Variants in XRCC4 observed in about 807,000 individuals in gnomAD.
The protein encoded by XRCC4 is X-ray repair cross complementing 4.
A neutral mutation model predicts 39.1 loss-of-function variants in XRCC4; 28 were observed. The observed-to-expected ratio is 0.72, with a 90% CI of 0.53 to 0.98. XRCC4 has a LOEUF of 0.98. Among genes scored for constraint, XRCC4 ranks in the 50% least tolerant of loss-of-function variants. XRCC4 has a pLI of 0.00. For missense variants in XRCC4, 350 were observed against 376.4 expected (o/e 0.93, Z 0.58); for synonymous variants, 123 against 126.4 (o/e 0.97, Z 0.18).
At chr5:83,176,908 C>CA (rs1749984644) in intron 3 of XRCC4, among the ~76,000 whole-genome samples, 1 of 152,120 alleles carries the variant, frequency 6.6e-6, no homozygotes, top group African/African-American at 2.4e-5. Context: ...AGACATCAGC[C>CA]ACCACACCCA....
At chr5:83,166,916 C>T (rs1749508597) in intron 3 of XRCC4, among the ~76,000 whole-genome samples, 1 of 151,762 alleles carries the variant, frequency 6.6e-6, no homozygotes, top group Non-Finnish European at 1.5e-5. Flanking sequence ...GAGTCTCACT[C>T]TGTCACCCAG....
chr5:83,230,500 T>A (rs1308620917), intron 6 of XRCC4, among the ~76,000 whole-genome samples: 4 of 152,040 alleles, frequency 2.6e-5, no homozygotes, highest in Non-Finnish European at 1.5e-5. Context: ...AGATTGTAAA[T>A]AATGAATTAT....
intron 1 of XRCC4, among the ~76,000 whole-genome samples, chr5:83,092,995 G>A (rs911582645): frequency 6.9e-6 from 1 of 144,974 alleles, no homozygotes; most frequent in Admixed American, 7.1e-5. Flanking sequence ...TCCTATAAAA[G>A]ACAAGGAGTA....
chr5:83,324,941 A>T (rs1449640645), intron 7 of XRCC4, among the ~76,000 whole-genome samples: 1 of 152,124 alleles, frequency 6.6e-6, no homozygotes, highest in African/African-American at 2.4e-5. Flanking sequence ...GTCTCAGGTG[A>T]TCATGTAGAA....
Position 83,342,366 on chromosome 5 carries a change from TATTTTACAGGAAAATTTTA to T in XRCC4, c.894-10764_894-10746del, listed in dbSNP as rs1756787673. 2.0e-5 allele frequency among the ~76,000 whole-genome samples: 3 copies of T among 152,314 alleles called. No homozygotes were observed. In the South Asian group the frequency reaches 6.2e-4, roughly 32 times the overall value. ...TATTTTTAAATCTGTAATATATGTA[TATTTTACAGGAAAATTTTA>T]GATTTCTCATCCTTTCCCAATGTCT... On this transcript the variant is annotated intron_variant, in intron 7 of 7. Transcript: ENST00000396027.
At chr5:83,225,156 G>A (rs993930727) in intron 6 of XRCC4, among the ~76,000 whole-genome samples, 15 of 151,982 alleles carry the variant, frequency 9.9e-5, no homozygotes, top group Non-Finnish European at 1.8e-4. Context: ...TCAAATCTTT[G>A]TGTTTGTCCA....
intron 3 of XRCC4, among the ~76,000 whole-genome samples, chr5:83,192,797 G>T (rs1379367263): frequency 1.3e-5 from 2 of 152,076 alleles, no homozygotes. Context: ...TCTAACAGAA[G>T]AGACATGCTC....
chr5:83,256,287 A>C (rs2112889626), intron 6 of XRCC4, among the ~76,000 whole-genome samples: 1 of 152,328 alleles, frequency 6.6e-6, no homozygotes, highest in South Asian at 2.1e-4. Flanking sequence ...ATTTTAAAGT[A>C]AGTTGCAGAC....
At chr5:83,247,439 C>T (rs77998046) in intron 6 of XRCC4, among the ~76,000 whole-genome samples, 304 of 152,240 alleles carry the variant, frequency 2.0e-3, no homozygotes, top group Non-Finnish European at 2.1e-3. Context: ...CAACCTCACC[C>T]GGTCCATGGA....
At chr5:83,297,203 A>G (rs1269570700) in intron 7 of XRCC4, among the ~76,000 whole-genome samples, 1 of 152,046 alleles carries the variant, frequency 6.6e-6, no homozygotes, top group Admixed American at 6.6e-5. Flanking sequence ...TGTTAGTGTC[A>G]TTAAATATTA....
chr5:83,193,224 T>C (rs1315670412), intron 3 of XRCC4, among the ~76,000 whole-genome samples: 1 of 152,090 alleles, frequency 6.6e-6, no homozygotes, highest in Admixed American at 6.6e-5. Flanking sequence ...GAGTGCCTCC[T>C]GCTCCTGGCT....
intron 3 of XRCC4, among the ~76,000 whole-genome samples, chr5:83,158,311 A>G (rs1749054051): frequency 6.6e-6 from 1 of 152,120 alleles, no homozygotes; most frequent in African/African-American, 2.4e-5. Context: ...TTTTCTTTTT[A>G]ATAAATTGAG....
At chr5:83,158,236 G>A (rs1749051031) in intron 3 of XRCC4, among the ~76,000 whole-genome samples, 1 of 152,054 alleles carries the variant, frequency 6.6e-6, no homozygotes, top group Admixed American at 6.6e-5. Flanking sequence ...GTGTTAGGAG[G>A]AAGTGCAGAC....
intron 7 of XRCC4, among the ~76,000 whole-genome samples, chr5:83,329,669 G>A (rs1756375770): frequency 6.6e-6 from 1 of 152,030 alleles, no homozygotes; most frequent in Admixed American, 6.6e-5. Flanking sequence ...AAATGCAATA[G>A]GAACACAGCA....
chr5:83,353,085 G>A (rs1162768505), intron 7 of XRCC4, 46 bp from the exon 8 acceptor site: 2 of 1,454,424 alleles, frequency 1.4e-6, no homozygotes, highest in Non-Finnish European at 1.9e-6. Context: ...CTCTATAACA[G>A]AAGTTTTTAA....
intron 7 of XRCC4, among the ~76,000 whole-genome samples, chr5:83,316,581 C>A (rs1160140744): frequency 6.7e-6 from 1 of 150,214 alleles, no homozygotes; most frequent in Admixed American, 6.7e-5. Flanking sequence ...GATTTTAAAC[C>A]AACAAAGATC....
intron 3 of XRCC4, among the ~76,000 whole-genome samples, chr5:83,184,499 T>A (rs529149231): frequency 7.9e-5 from 12 of 152,140 alleles, no homozygotes; most frequent in African/African-American, 1.2e-4. Context: ...GGAAAAAAAA[T>A]TACTGTTTTA....
At chr5:83,360,698 C>T in the XRCC4 span, among the ~76,000 whole-genome samples, 1 of 152,010 alleles carries the variant, frequency 6.6e-6, no homozygotes, top group African/African-American at 2.4e-5. Flanking sequence ...TGAAGAGTTA[C>T]AGAGCAGAAC....
In XRCC4 at chr5:83,166,215, T is replaced by C. The variant is rs138926085; in HGVS notation, c.316-29555T>C. 2.4e-3 allele frequency among the ~76,000 whole-genome samples: 369 copies of C among 152,286 alleles called. 1 individual carries two copies. The highest frequency in any genetic ancestry group is 8.5e-3 in the African/African-American group (353 of 41,562). On this transcript the variant is annotated intron_variant, in intron 3 of 7. Coordinates refer to ENST00000396027, the MANE Select transcript of XRCC4 (RefSeq NM_003401.5). ...TTTTTCTTATCCATTATATCATTGA[T>C]GGGCATTTATGTTGATTCCATGTCT...
Sources: gnomAD v4.1 joint callset for allele counts (sites outside exome capture counted in the v4.1 genomes callset) on GRCh38, gnomAD v4.1.1 for gene constraint, MANE v1.5 for transcripts, NCBI Gene and HGNC (gene_info 2026-07-23, HGNC 2026-07-21) for gene names.